Variants in TRAPPC11 observed in about 807,000 individuals in gnomAD.
TRAPPC11 encodes trafficking protein particle complex subunit 11.
In TRAPPC11, 104 loss-of-function variants were observed where a neutral mutation model predicts 151.2. The ratio of observed to expected loss-of-function variants is 0.69; its 90% CI spans 0.59 to 0.81. TRAPPC11 has a LOEUF of 0.81. TRAPPC11 is among the 30% of genes least tolerant of loss of function. The pLI, the probability that TRAPPC11 is intolerant of heterozygous loss-of-function variation, is 0.00. For missense variants in TRAPPC11, 1,230 were observed against 1,349.6 expected (o/e 0.91, Z 1.39); for synonymous variants, 456 against 472.3 (o/e 0.97, Z 0.45).
At chr4:183,666,706 A>G (rs1030579819) in intron 3 of TRAPPC11, among the ~76,000 whole-genome samples, 7 of 152,340 alleles carry the variant, frequency 4.6e-5, no homozygotes, top group African/African-American at 1.7e-4. Context: ...AGTCTCTTAA[A>G]ACGCTTTGCT....
At chr4:183,669,407 C>T (rs941651681) in intron 5 of TRAPPC11, among the ~76,000 whole-genome samples, 3 of 152,212 alleles carry the variant, frequency 2.0e-5, no homozygotes, top group Admixed American at 6.5e-5. Context: ...CTGGACAGCT[C>T]ACCATTGACT....
chr4:183,694,686 C>G lies in TRAPPC11; in HGVS notation c.2591C>G (p.Thr864Ser). 1 of 1,607,592 alleles carries G rather than the reference C, an allele frequency of 6.2e-7. No individual in the cohort carries two copies. The change falls in exon 23 of 30, where the codon ACC becomes AGC. Residue 864 changes from threonine (T) to serine (S), a missense_variant. Transcript: ENST00000334690. ...LVYVSYLINT[T>S]VEEKEIVCKC... The stretch of plus-strand genomic sequence containing the variant: ...TATGTTTCTTACCTGATAAATACAA[C>G]CGTTGAAGAAAAAGAAATTGTTTGC...
rs897731263 is a variant in TRAPPC11 at position 183,700,091 on chromosome 4, C to T, written c.2852-1606C>T. Among the ~76,000 whole-genome samples the T allele has an allele frequency of 3.3e-5, 5 of 152,108 alleles. No individual in the cohort carries two copies. The South Asian group carries it at 6.2e-4, about 19-fold the overall frequency. On this transcript the variant is annotated intron_variant, in intron 25 of 29. Coordinates refer to ENST00000334690, the MANE Select transcript of TRAPPC11 (RefSeq NM_021942.6). Reference sequence around the variant, plus strand: ...CCTCCCAAAGTGCTGGGATTACAAGCGTGAGCCACCACGCCCAGCCAATGT... The same window carrying T: ...CCTCCCAAAGTGCTGGGATTACAAGTGTGAGCCACCACGCCCAGCCAATGT...
At chr4:183,711,064 A>G (rs1042423739) in intron 29 of TRAPPC11, among the ~76,000 whole-genome samples, 2 of 152,100 alleles carry the variant, frequency 1.3e-5, no homozygotes, top group Non-Finnish European at 2.9e-5. Context: ...CAGTGTATAT[A>G]TAGTGTACAT....
At chr4:183,689,961 G>C (rs1736176860) in intron 18 of TRAPPC11, among the ~76,000 whole-genome samples, 1 of 152,052 alleles carries the variant, frequency 6.6e-6, no homozygotes, top group South Asian at 2.1e-4. Context: ...CCAGCACTTT[G>C]GGAGGCCAAG....
chr4:183,692,922 T>C (rs1736325840), intron 19 of TRAPPC11, 38 bp from the exon 20 acceptor site: 3 of 1,568,338 alleles, frequency 1.9e-6, no homozygotes, highest in Non-Finnish European at 2.6e-6. Context: ...CAAGCACATA[T>C]GAGATGACAT....
At chr4:183,666,235 C>T (rs779611974) in intron 2 of TRAPPC11, 22 bp from the exon 3 acceptor site, 2 of 1,602,024 alleles carry the variant, frequency 1.2e-6, no homozygotes, top group East Asian at 2.2e-5. Flanking sequence ...GGTAACTTTT[C>T]AATTTCTGCC....
chr4:183,686,930 C>T (rs1441945018), intron 18 of TRAPPC11, among the ~76,000 whole-genome samples, 182 bp downstream of exon 18: 1 of 152,180 alleles, frequency 6.6e-6, no homozygotes, highest in Non-Finnish European at 1.5e-5. Flanking sequence ...CCTGTAATCT[C>T]AGCACTTTGG....
intron 26 of TRAPPC11, among the ~76,000 whole-genome samples, chr4:183,702,649 TACCC>T (rs1736858699): frequency 1.3e-5 from 2 of 152,240 alleles, no homozygotes; most frequent in South Asian, 4.1e-4. Context: ...GAATGATAAA[TACCC>T]AATTCAGGAT....
chr4:183,693,832 A>G, intron 21 of TRAPPC11, 85 bp from the exon 22 acceptor site: 2 of 1,595,734 alleles, frequency 1.3e-6, no homozygotes, highest in Non-Finnish European at 1.7e-6. Flanking sequence ...ACAAGAGGGT[A>G]TGGCATAGTG....
rs368919290 is a variant in TRAPPC11, at chr4:183,702,789, A to G, written c.2963+981A>G. On this transcript the variant is annotated intron_variant, in intron 26 of 29. Coordinates refer to ENST00000334690, the MANE Select transcript of TRAPPC11 (RefSeq NM_021942.6). The stretch of plus-strand genomic sequence containing the variant: ...ATGATATTCATGTGTTATCCTGTTG[A>G]TGAGGCTTAGTTATTTTCAGAAATT... Among the ~76,000 whole-genome samples, 365 of 152,284 alleles carry G rather than the reference A, an allele frequency of 2.4e-3. 1 individual carries two copies. The highest frequency in any genetic ancestry group is 8.3e-3 in the African/African-American group (346 of 41,576).
chr4:183,694,945 C>CTT (rs34556587), intron 23 of TRAPPC11, among the ~76,000 whole-genome samples: 75 of 119,840 alleles, frequency 6.3e-4, no homozygotes, highest in African/African-American at 1.0e-3. Flanking sequence ...TATGGCTTTT[C>CTT]TTTTTTTTTT....
In TRAPPC11 at chr4:183,685,500, G is replaced by A. The variant is rs11132206; in HGVS notation, c.1762+97G>A. 0.45 allele frequency: 618,804 copies of A among 1,379,588 alleles called. 142,463 individuals are homozygous for A. The highest frequency in any genetic ancestry group is 0.7 in the African/African-American group (48,765 of 69,770). The allele number at this position is 1,379,588 out of a possible 1,614,324, so 85.5% of individuals were successfully genotyped here. A position where few individuals can be genotyped will look rare whatever the true frequency, so the allele number is the denominator to read the frequency against. Reference sequence around the variant, plus strand: ...TAATAAATATAAAAGTCAAGAAAGAGTTTTCAAAGTATAATCATGTTATAG... The same window carrying A: ...TAATAAATATAAAAGTCAAGAAAGAATTTTCAAAGTATAATCATGTTATAG... On this transcript the variant is annotated intron_variant, in intron 17 of 29. Coordinates refer to ENST00000334690, the MANE Select transcript of TRAPPC11 (RefSeq NM_021942.6).
chr4:183,700,461 A>G (rs1384427803), intron 25 of TRAPPC11, among the ~76,000 whole-genome samples: 1 of 152,238 alleles, frequency 6.6e-6, no homozygotes, highest in Admixed American at 6.5e-5. Context: ...TTGCACTCAC[A>G]GATTGCTAAA....
chr4:183,663,797 A>G (rs1734691658), intron 1 of TRAPPC11, 50 bp from the exon 2 acceptor site: 1 of 1,130,388 alleles, frequency 8.8e-7, no homozygotes, highest in South Asian at 1.3e-5. Context: ...GGAGAAATGA[A>G]TATGAGTTTT....
At chr4:183,695,807 G>A (rs186883619) in intron 23 of TRAPPC11, among the ~76,000 whole-genome samples, 27 of 152,232 alleles carry the variant, frequency 1.8e-4, no homozygotes, top group African/African-American at 5.8e-4. Context: ...TTTCCCAAGC[G>A]GGAGAGAAGA....
chr4:183,685,073 C>T lies in TRAPPC11; in HGVS notation c.1568-11C>T, dbSNP rs772995513. 9 of 1,611,188 alleles carry T rather than the reference C, an allele frequency of 5.6e-6. No individual in the cohort carries two copies. Among genetic ancestry groups the T allele is most frequent in the Admixed American group, 1.7e-5 (1 of 59,222 alleles). The stretch of plus-strand genomic sequence containing the variant: ...GTACTTAAAATGTTTTTCCTTCTTT[C>T]TTCATACTAGCTTCAACTCTGAAAG... On this transcript the variant is annotated splice_polypyrimidine_tract_variant and intron_variant, in intron 15 of 29. Transcript: ENST00000334690.
At chr4:183,662,919 A>C (rs115588755) in intron 1 of TRAPPC11, among the ~76,000 whole-genome samples, 3,642 of 152,248 alleles carry the variant, frequency 0.024, 56 homozygotes, top group East Asian at 0.081. Flanking sequence ...TTCATTTTTA[A>C]CATGAAAGAT....
intron 1 of TRAPPC11, among the ~76,000 whole-genome samples, chr4:183,659,784 A>G (rs1239806211): frequency 1.3e-5 from 2 of 152,006 alleles, no homozygotes; most frequent in Non-Finnish European, 2.9e-5. Flanking sequence ...TCGAAACATC[A>G]TTTCGTCCCC....
Sources: allele counts gnomAD v4.1 joint callset (sites outside exome capture counted in the v4.1 genomes callset), GRCh38; gene constraint gnomAD v4.1.1; transcripts MANE v1.5; gene names NCBI Gene and HGNC (gene_info 2026-07-23, HGNC 2026-07-21).